IL18RAP: variants seen among roughly 807,000 people sequenced by gnomAD.
IL18RAP encodes the protein interleukin-18 receptor accessory protein.
IL18RAP carries 37 observed loss-of-function variants against 58.1 expected under a neutral mutation model. That is an observed-to-expected ratio of 0.64 (90% confidence interval 0.49 to 0.84). The LOEUF is 0.84. Among genes scored for constraint, IL18RAP ranks in the 40% least tolerant of loss-of-function variants. The pLI is 0.00. For missense variants in IL18RAP, 667 were observed against 704.8 expected, an observed-to-expected ratio of 0.95 and a Z score of 0.61; for synonymous variants, 268 against 257.5, an observed-to-expected ratio of 1.04 and a Z score of -0.39.
At chr2:102,446,116 T>C (rs1176048220) in intron 7 of IL18RAP, among the ~76,000 whole-genome samples, 3 of 152,088 alleles carry the variant, frequency 2.0e-5, no homozygotes, top group African/African-American at 7.2e-5. Flanking sequence ...GGAATGATAA[T>C]ACAGGAAAAT....
chr2:102,433,436 C>G (rs1682527396), intron 3 of IL18RAP, among the ~76,000 whole-genome samples: 1 of 152,186 alleles, frequency 6.6e-6, no homozygotes, highest in Non-Finnish European at 1.5e-5. Context: ...GTTGCTCAGG[C>G]TGGTTTCAAA....
chr2:102,421,605 G>A (rs1681581740), upstream of IL18RAP, among the ~76,000 whole-genome samples: 1 of 152,212 alleles, frequency 6.6e-6, no homozygotes, highest in African/African-American at 2.4e-5. Context: ...CTTGTAAGAA[G>A]AGCTGTCAGT....
At chr2:102,436,442 G>T (rs1682742914) in intron 3 of IL18RAP, among the ~76,000 whole-genome samples, 1 of 152,068 alleles carries the variant, frequency 6.6e-6, no homozygotes, top group Admixed American at 6.6e-5. Flanking sequence ...TTTGCTTCCT[G>T]CCCACAGCTG....
intron 6 of IL18RAP, among the ~76,000 whole-genome samples, chr2:102,443,710 T>C (rs1683246063): frequency 6.6e-6 from 1 of 152,008 alleles, no homozygotes; most frequent in Non-Finnish European, 1.5e-5. Context: ...TAATGAACAG[T>C]CTAGAAAACC....
intron 8 of IL18RAP, among the ~76,000 whole-genome samples, chr2:102,447,976 C>T (rs1283109632): frequency 6.6e-6 from 1 of 152,056 alleles, no homozygotes; most frequent in Non-Finnish European, 1.5e-5. Context: ...TCAAGTGATC[C>T]GTCCGCCTCG....
chr2:102,446,148 G>A (rs905314645), intron 7 of IL18RAP, among the ~76,000 whole-genome samples: 3 of 152,164 alleles, frequency 2.0e-5, no homozygotes, highest in African/African-American at 4.8e-5. Context: ...TGCAATGAGA[G>A]AGATGTAAAT....
Position 102,423,988 on chromosome 2 carries a change from A to C in IL18RAP, c.248A>C (p.Gln83Pro). 1 of 1,614,122 alleles carries C rather than the reference A, an allele frequency of 6.2e-7. No homozygotes were observed. The highest frequency in any genetic ancestry group is 8.5e-7 in the Non-Finnish European group (1 of 1,180,022). ...GGTAGTAACGACCTATCTGATGTCCAATGGTACCAACAACCTTCGAATGGA... is the reference window on the plus strand; with the variant it reads ...GGTAGTAACGACCTATCTGATGTCCCATGGTACCAACAACCTTCGAATGGA... ...FMGSNDLSDV[Q>P]WYQQPSNGDP... The change falls in exon 2 of 10, where the codon CAA becomes CCA. Residue 83 changes from glutamine to proline, a missense_variant. Physicochemically the swap from Gln to Pro is moderately conservative, Grantham distance 76 (BLOSUM62 -1). Transcript: ENST00000687160.
upstream of IL18RAP, among the ~76,000 whole-genome samples, chr2:102,419,232 C>T (rs796319467): frequency 1.8e-4 from 27 of 152,232 alleles, no homozygotes; most frequent in African/African-American, 5.8e-4. Context: ...TTTGAATGCC[C>T]ATTTAAACTT....
upstream of IL18RAP, among the ~76,000 whole-genome samples, chr2:102,422,887 A>G (rs1681663602): frequency 6.6e-6 from 1 of 152,182 alleles, no homozygotes; most frequent in South Asian, 2.1e-4. Context: ...TTTTCAAATT[A>G]CTCATGGAAA....
upstream of IL18RAP, among the ~76,000 whole-genome samples, chr2:102,421,344 T>G (rs1681564763): frequency 6.6e-6 from 1 of 152,126 alleles, no homozygotes; most frequent in Admixed American, 6.5e-5. Flanking sequence ...AGGGAAGACA[T>G]GAGAGAGCCA....
At chr2:102,437,113 C>T in intron 3 of IL18RAP, 99 bp from the exon 4 acceptor site, 1 of 1,112,270 alleles carries the variant, frequency 9.0e-7, no homozygotes, top group Non-Finnish European at 1.3e-6. Flanking sequence ...GATTGACCTT[C>T]TTCCTCCCTG....
Position 102,452,252 on chromosome 2 carries a change from G to C in IL18RAP, c.*71G>C, listed in dbSNP as rs1253476120. On this transcript the variant is annotated 3_prime_UTR_variant, in exon 10 of 10. Coordinates refer to ENST00000687160, the MANE Select transcript of IL18RAP (RefSeq NM_001393487.1). Reference sequence around the variant, plus strand: ...GTTGCTGGACAGAACTCACAGCTCTGTGTGTGTGTGTTCAGGCTGATAGGA... The same window carrying C: ...GTTGCTGGACAGAACTCACAGCTCTCTGTGTGTGTGTTCAGGCTGATAGGA... 2.2e-5 allele frequency: 26 copies of C among 1,198,942 alleles called. No individual in the cohort carries two copies. In the Middle Eastern group the frequency reaches 6.6e-4, roughly 31 times the overall value. 74.3% of individuals were successfully genotyped at this position (1,198,942 alleles called of 1,614,324 possible).
At chr2:102,445,919 T>C (rs1360641491) in intron 7 of IL18RAP, among the ~76,000 whole-genome samples, 1 of 152,222 alleles carries the variant, frequency 6.6e-6, no homozygotes, top group Non-Finnish European at 1.5e-5. Context: ...TTCATTCCTT[T>C]AATTAATAGA....
intron 3 of IL18RAP, among the ~76,000 whole-genome samples, chr2:102,430,251 T>C (rs1448928005): frequency 6.6e-6 from 1 of 152,082 alleles, no homozygotes; most frequent in African/African-American, 2.4e-5. Flanking sequence ...GTTGGGTGCC[T>C]ATGTATCTAC....
At chr2:102,433,379 C>G (rs964941653) in intron 3 of IL18RAP, among the ~76,000 whole-genome samples, 1 of 152,158 alleles carries the variant, frequency 6.6e-6, no homozygotes, top group Admixed American at 6.5e-5. Flanking sequence ...CATACCACTG[C>G]ACCCAGCTAA....
At chr2:102,425,231 A>T (rs1174530691) in intron 3 of IL18RAP, among the ~76,000 whole-genome samples, 1 of 152,154 alleles carries the variant, frequency 6.6e-6, no homozygotes, top group Non-Finnish European at 1.5e-5. Flanking sequence ...CTCATAATAT[A>T]TGTGTTTGTT....
intron 6 of IL18RAP, among the ~76,000 whole-genome samples, chr2:102,444,740 C>A (rs995059826): frequency 1.3e-5 from 2 of 152,216 alleles, no homozygotes; most frequent in East Asian, 1.9e-4. Context: ...CACCCACCTT[C>A]TTTGCCTTGT....
chr2:102,423,553 G>A (rs1027110664), intron 1 of IL18RAP, among the ~76,000 whole-genome samples: 73 of 152,176 alleles, frequency 4.8e-4, no homozygotes, highest in African/African-American at 1.8e-3. Flanking sequence ...GTAGTTGAGT[G>A]TTCAGTGAGA....
intron 7 of IL18RAP, among the ~76,000 whole-genome samples, 154 bp from the exon 8 acceptor site, chr2:102,446,916 T>C (rs957683288): frequency 6.6e-6 from 1 of 152,232 alleles, no homozygotes; most frequent in Non-Finnish European, 1.5e-5. Flanking sequence ...TTTGAGAGGT[T>C]TCCAGATTCA....
Sources: gnomAD v4.1 joint callset for allele counts (sites outside exome capture counted in the v4.1 genomes callset) on GRCh38, gnomAD v4.1.1 for gene constraint, MANE v1.5 for transcripts, NCBI Gene and HGNC (gene_info 2026-07-23, HGNC 2026-07-21) for gene names.